OCA2: variants seen among roughly 807,000 people sequenced by gnomAD.
The protein encoded by OCA2 is OCA2 melanosomal transmembrane protein.
In OCA2, 77 loss-of-function variants were observed where a neutral mutation model predicts 100.2. That is an observed-to-expected ratio of 0.77 (90% CI 0.64 to 0.93). The LOEUF is 0.93. OCA2 is among the 40% of genes least tolerant of loss of function. OCA2 has a pLI of 0.00. For missense variants in OCA2, 1,062 were observed against 1,089.1 expected (o/e 0.98, Z 0.35); for synonymous variants, 432 against 439.2 (o/e 0.98, Z 0.21).
At chr15:27,994,036 A>C (rs1304703565) in intron 9 of OCA2, among the ~76,000 whole-genome samples, 1 of 152,176 alleles carries the variant, frequency 6.6e-6, no homozygotes, top group Non-Finnish European at 1.5e-5. Context: ...AAATGGACCT[A>C]AAGAGTAAAA....
At chr15:28,006,036 G>A (rs2042081484) in intron 9 of OCA2, among the ~76,000 whole-genome samples, 1 of 152,186 alleles carries the variant, frequency 6.6e-6, no homozygotes, top group African/African-American at 2.4e-5. Context: ...CAAGTGGTCT[G>A]ACTTCTCTGT....
At chr15:27,761,880 A>C (rs977229978) in intron 23 of OCA2, among the ~76,000 whole-genome samples, 1 of 152,124 alleles carries the variant, frequency 6.6e-6, no homozygotes, top group African/African-American at 2.4e-5. Flanking sequence ...TCTGGAGCGC[A>C]TTGGCGTCAT....
At chr15:27,943,671 T>TAAAAAAAAAAA (rs66644405) in intron 18 of OCA2, among the ~76,000 whole-genome samples, 1 of 114,884 alleles carries the variant, frequency 8.7e-6, no homozygotes, top group South Asian at 2.8e-4. Context: ...AAGTATAATT[T>TAAAAAAAAAAA]AAAAAAAAAA....
intron 1 of OCA2, among the ~76,000 whole-genome samples, chr15:28,084,968 AGGTCAGTCCTGG>A (rs2141930727): frequency 6.6e-6 from 1 of 152,258 alleles, no homozygotes; most frequent in South Asian, 2.1e-4. Context: ...TGTCAGCTGG[AGGTCAGTCCTGG>A]GTCCTGCCTG....
intron 23 of OCA2, among the ~76,000 whole-genome samples, chr15:27,761,328 C>T (rs555930718): frequency 1.3e-5 from 2 of 152,006 alleles, no homozygotes; most frequent in Non-Finnish European, 2.9e-5. Context: ...ATTAAAAACA[C>T]AATACCACTT....
intron 23 of OCA2, among the ~76,000 whole-genome samples, chr15:27,844,059 G>A (rs1053111743): frequency 6.6e-6 from 1 of 152,180 alleles, no homozygotes; most frequent in Non-Finnish European, 1.5e-5. Flanking sequence ...ATTTGACAGG[G>A]GTTTCCAGCC....
intron 4 of OCA2, among the ~76,000 whole-genome samples, chr15:28,025,897 G>C (rs1452110408): frequency 6.6e-6 from 1 of 152,196 alleles, no homozygotes; most frequent in Non-Finnish European, 1.5e-5. Flanking sequence ...CCTTCTTTCT[G>C]ATCCTTTGAA....
intron 15 of OCA2, among the ~76,000 whole-genome samples, chr15:27,964,609 G>A (rs2040506479): frequency 6.6e-6 from 1 of 152,164 alleles, no homozygotes; most frequent in African/African-American, 2.4e-5. Context: ...GGGGTACAAA[G>A]CCAACACAAG....
At chr15:27,940,654 A>G (rs892988612) in intron 18 of OCA2, among the ~76,000 whole-genome samples, 9 of 152,260 alleles carry the variant, frequency 5.9e-5, no homozygotes, top group African/African-American at 1.7e-4. Context: ...ATCCGGCACA[A>G]GAAAATATCA....
At chr15:27,818,088 A>G (rs1468009025) in intron 23 of OCA2, among the ~76,000 whole-genome samples, 1 of 152,216 alleles carries the variant, frequency 6.6e-6, no homozygotes, top group Non-Finnish European at 1.5e-5. Context: ...GTACTAGAAT[A>G]CTTTTTAAAA....
intron 23 of OCA2, among the ~76,000 whole-genome samples, chr15:27,832,301 C>T (rs1361457052): frequency 6.6e-6 from 1 of 152,210 alleles, no homozygotes; most frequent in Non-Finnish European, 1.5e-5. Flanking sequence ...CCCGGGGCCA[C>T]TCGGTCCTCC....
intron 23 of OCA2, among the ~76,000 whole-genome samples, chr15:27,834,824 G>A (rs2035086713): frequency 1.3e-5 from 2 of 152,114 alleles, no homozygotes; most frequent in South Asian, 2.1e-4. Flanking sequence ...ACTCAGCCGC[G>A]GTAAACACGA....
At chr15:27,760,042 T>A (rs1170951765) in intron 23 of OCA2, among the ~76,000 whole-genome samples, 1 of 152,168 alleles carries the variant, frequency 6.6e-6, no homozygotes, top group East Asian at 1.9e-4. Flanking sequence ...AATTTTGATT[T>A]CAAATTTGAT....
intron 19 of OCA2, among the ~76,000 whole-genome samples, chr15:27,875,654 CT>C (rs1396891848): frequency 4.6e-5 from 7 of 151,980 alleles, no homozygotes; most frequent in African/African-American, 1.7e-4. Flanking sequence ...GACTATATCT[CT>C]TCATTAGATC....
chr15:27,733,803 TTCAC>T, the OCA2 span, among the ~76,000 whole-genome samples: 12 of 152,192 alleles, frequency 7.9e-5, no homozygotes, highest in African/African-American at 2.2e-4. Context: ...TACATTTAAC[TTCAC>T]TCAAAGTATT....
At chr15:27,818,289 T>A (rs2034380061) in intron 23 of OCA2, among the ~76,000 whole-genome samples, 1 of 152,154 alleles carries the variant, frequency 6.6e-6, no homozygotes, top group South Asian at 2.1e-4. Context: ...CTCGGGAGGC[T>A]GAGGCAGGAG....
intron 13 of OCA2, 119 bp from the exon 14 acceptor site, chr15:27,983,602 C>T: frequency 1.9e-6 from 2 of 1,067,396 alleles, no homozygotes; most frequent in South Asian, 1.3e-5. Context: ...CACACACACA[C>T]CCCTGTGGGG....
intron 21 of OCA2, among the ~76,000 whole-genome samples, chr15:27,858,996 T>C (rs549847253): frequency 6.6e-6 from 1 of 152,022 alleles, no homozygotes; most frequent in Non-Finnish European, 1.5e-5. Context: ...AGACACAACA[T>C]ACTAAAACTT....
downstream of OCA2, among the ~76,000 whole-genome samples, chr15:27,752,804 C>A (rs1407332692): frequency 3.4e-4 from 2 of 5,808 alleles, no homozygotes; most frequent in Admixed American, 1.2e-3. Flanking sequence ...TCCCCCACCC[C>A]CCCCCCCCCC....
Sources: gnomAD v4.1 joint callset for allele counts (sites outside exome capture counted in the v4.1 genomes callset) on GRCh38, gnomAD v4.1.1 for gene constraint, MANE v1.5 for transcripts, NCBI Gene and HGNC (gene_info 2026-07-23, HGNC 2026-07-21) for gene names.